DYNC1I2: variants seen among roughly 807,000 people sequenced by gnomAD.
DYNC1I2 encodes cytoplasmic dynein 1 intermediate chain 2.
In DYNC1I2, 53 loss-of-function variants were observed where a neutral mutation model predicts 88.6. That is an observed-to-expected ratio of 0.60 (90% CI 0.48 to 0.75). DYNC1I2 has a LOEUF of 0.75. Ranked by LOEUF, DYNC1I2 falls within the 30% of genes least tolerant of loss-of-function variation. The pLI, the probability that DYNC1I2 is intolerant of heterozygous loss-of-function variation, is 0.00. For missense variants in DYNC1I2, 458 were observed against 766.6 expected (o/e 0.60, Z 4.75); for synonymous variants, 198 against 254.6 (o/e 0.78, Z 2.12).
At chr2:171,738,928 C>A (rs1359716908) in intron 15 of DYNC1I2, among the ~76,000 whole-genome samples, 1 of 152,058 alleles carries the variant, frequency 6.6e-6, no homozygotes, top group African/African-American at 2.4e-5. Context: ...GCAGGTGGAT[C>A]ACCGGAGGTC....
Position 171,725,677 on chromosome 2 carries a change from A to G in DYNC1I2, c.571A>G (p.Lys191Glu). The stretch of plus-strand genomic sequence containing the variant: ...ACCACCTATTGAACCTGAAGAAGAG[A>G]AAACTTTAAAGAAAGATGAGGAAAA... Reference protein sequence around the residue: ...PKPPIEPEEEKTLKKDEENDS... With the variant: ...PKPPIEPEEEETLKKDEENDS... Residue 191 changes from lysine to glutamate, a missense_variant, in exon 8 of 18, where the codon AAA becomes GAA. By Grantham distance (56) the Lys-to-Glu change is moderately conservative. Coordinates refer to ENST00000397119, the MANE Select transcript of DYNC1I2 (RefSeq NM_001378.3). 1 of 1,583,712 alleles carries G rather than the reference A, an allele frequency of 6.3e-7. No homozygotes were observed.
At chr2:171,690,399 C>A in intron 2 of DYNC1I2, 136 bp downstream of exon 2, 1 of 596,272 alleles carries the variant, frequency 1.7e-6, no homozygotes, top group Non-Finnish European at 2.9e-6. Context: ...ATTGCTTTTG[C>A]ACAAACCTAA....
rs12619041 is a variant in DYNC1I2 at position 171,744,206 on chromosome 2, C to G, written c.1677+17C>G. 6.4e-7 allele frequency: 1 copy of G among 1,562,070 alleles called. No individual in the cohort carries two copies. Among genetic ancestry groups the G allele is most frequent in the Non-Finnish European group, 8.6e-7 (1 of 1,160,852 alleles). ...GACACAGAGGTGAGCAGGAAAATAACAAAAATTGCATTGAAAAATAGAAAA... is the reference window on the plus strand; with the variant it reads ...GACACAGAGGTGAGCAGGAAAATAAGAAAAATTGCATTGAAAAATAGAAAA... On this transcript the variant is annotated intron_variant, in intron 16 of 17. Transcript: ENST00000397119.
At chr2:171,721,846 G>T (rs1463405848) in intron 7 of DYNC1I2, among the ~76,000 whole-genome samples, 2 of 152,140 alleles carry the variant, frequency 1.3e-5, no homozygotes, top group Non-Finnish European at 2.9e-5. Flanking sequence ...GTGCACTAAT[G>T]ATGGGATTTG....
intron 1 of DYNC1I2, chr2:171,688,295 GA>G (rs1685122232): frequency 6.6e-6 from 1 of 152,198 alleles, no homozygotes; most frequent in Admixed American, 6.5e-5. Context: ...AAACTCTAGA[GA>G]CTCTCTTCTC....
At chr2:171,687,805 G>T (rs1437988791) in intron 1 of DYNC1I2, 178 bp downstream of exon 1, 2 of 152,816 alleles carry the variant, frequency 1.3e-5, no homozygotes, top group African/African-American at 2.4e-5. Flanking sequence ...TGGTGTTGGG[G>T]GCTTAGGCGA....
intron 5 of DYNC1I2, among the ~76,000 whole-genome samples, chr2:171,708,725 C>G (rs1686873870): frequency 6.6e-6 from 1 of 151,758 alleles, no homozygotes; most frequent in South Asian, 2.1e-4. Context: ...CAGACAGGGT[C>G]TCTGTCACCC....
intron 14 of DYNC1I2, among the ~76,000 whole-genome samples, 153 bp downstream of exon 14, chr2:171,729,003 C>G (rs1171102094): frequency 6.6e-6 from 1 of 151,968 alleles, no homozygotes; most frequent in Non-Finnish European, 1.5e-5. Context: ...AACTTAATAC[C>G]TTTTTGTATA....
In DYNC1I2 at chr2:171,745,823, G is replaced by A. The variant is rs1193434350; in HGVS notation, c.1699G>A (p.Val567Met). 1.2e-6 allele frequency: 2 copies of A among 1,613,374 alleles called. No individual in the cohort carries two copies. Among genetic ancestry groups the A allele is most frequent in the South Asian group, 2.2e-5 (2 of 90,982 alleles). Residue 567 changes from valine to methionine, a missense_variant, in exon 17 of 18, where the codon GTG (valine) becomes ATG (methionine). Val to Met is a conservative substitution (Grantham distance 21). Around this residue, in one of 5 missense-constraint regions of DYNC1I2, gnomAD observed 188 missense variants for 300.4 expected, o/e 0.63. Transcript: ENST00000397119. ...TTAGGTACCAACTGCCAGCATTTCTGTGGAGGGTAATCCTGCTCTTAATCG... is the reference window on the plus strand; with the variant it reads ...TTAGGTACCAACTGCCAGCATTTCTATGGAGGGTAATCCTGCTCTTAATCG... ...DTEVPTASIS[V>M]EGNPALNRVR...
chr2:171,696,775 A>C (rs1464150092), intron 3 of DYNC1I2, among the ~76,000 whole-genome samples: 1 of 152,036 alleles, frequency 6.6e-6, no homozygotes. Flanking sequence ...TATTTTCACT[A>C]TGAATCTATT....
Position 171,738,332 on chromosome 2 carries a change from CAAAAGAAAAAA to C in DYNC1I2, c.1537-5704_1537-5694del, listed in dbSNP as rs550715846. On this transcript the variant is annotated intron_variant, in intron 15 of 17. Transcript: ENST00000397119. ...GGGAGACAAGAACGAAACTCCAGCT[CAAAAGAAAAAA>C]AAAAGAAAAAAAGATACTCATTTGT... Among the ~76,000 whole-genome samples, 982 of 146,956 alleles carry C rather than the reference CAAAAGAAAAAA, an allele frequency of 6.7e-3. 4 individuals carry two copies. Among genetic ancestry groups the C allele is most frequent in the Non-Finnish European group, 0.011 (720 of 66,686 alleles).
intron 6 of DYNC1I2, among the ~76,000 whole-genome samples, 174 bp downstream of exon 6, chr2:171,713,000 G>GT (rs2105587069): frequency 6.6e-6 from 1 of 152,200 alleles, no homozygotes; most frequent in African/African-American, 2.4e-5. Context: ...AATATTCTGT[G>GT]TGATGTTCTA....
chr2:171,740,504 C>T lies in DYNC1I2; in HGVS notation c.1537-3545C>T, dbSNP rs2105768389. Among the ~76,000 whole-genome samples the T allele has an allele frequency of 2.0e-5, 3 of 152,192 alleles. No individual in the cohort carries two copies. The Middle Eastern group carries it at 0.01, about 518-fold the overall frequency. On this transcript the variant is annotated intron_variant, in intron 15 of 17. Transcript: ENST00000397119. Reference sequence around the variant, plus strand: ...AATCTGATTTTCTTTTTCCTACTTGCGATTTGGTCTTTTTAAAAAATGTGG... The same window carrying T: ...AATCTGATTTTCTTTTTCCTACTTGTGATTTGGTCTTTTTAAAAAATGTGG...
At chr2:171,734,071 G>GT (rs1053770638) in intron 15 of DYNC1I2, among the ~76,000 whole-genome samples, 7 of 152,020 alleles carry the variant, frequency 4.6e-5, no homozygotes, top group African/African-American at 7.2e-5. Context: ...CCCATTGCTT[G>GT]TTTTTTTGTC....
intron 6 of DYNC1I2, among the ~76,000 whole-genome samples, chr2:171,715,068 C>G (rs1396874955): frequency 6.6e-6 from 1 of 152,156 alleles, no homozygotes; most frequent in Non-Finnish European, 1.5e-5. Flanking sequence ...ATTGCCCGCA[C>G]ATTTGTTCTA....
intron 17 of DYNC1I2, among the ~76,000 whole-genome samples, chr2:171,747,497 G>A (rs1463501434): frequency 6.6e-6 from 1 of 152,032 alleles, no homozygotes; most frequent in Non-Finnish European, 1.5e-5. Flanking sequence ...ATGAGATGGT[G>A]CATAGGAGTT....
At position 171,726,139 on chromosome 2, in the gene DYNC1I2, A is replaced by G. The variant is rs1289728412; in HGVS notation, c.771-55A>G. 3.8e-6 allele frequency: 6 copies of G among 1,570,632 alleles called. No individual in the cohort carries two copies. The Admixed American group carries it at 7.7e-5, about 20-fold the overall frequency. On this transcript the variant is annotated intron_variant, in intron 9 of 17. Transcript: ENST00000397119. ...ATAATGTTAAATTACTTTAAGATTA[A>G]GAGTGATAAAAGTTATAACACCATC...
At chr2:171,736,959 T>G (rs935270891) in intron 15 of DYNC1I2, among the ~76,000 whole-genome samples, 5 of 152,194 alleles carry the variant, frequency 3.3e-5, no homozygotes, top group Admixed American at 6.5e-5. Context: ...TAATCTATAT[T>G]CTTTTCCCAA....
chr2:171,747,805 G>C lies in DYNC1I2; in HGVS notation c.1833G>C (p.Trp611Cys). 2 of 1,610,724 alleles carry C rather than the reference G, an allele frequency of 1.2e-6. No individual in the cohort carries two copies. Among genetic ancestry groups the C allele is most frequent in the Non-Finnish European group, 1.7e-6 (2 of 1,179,144 alleles). Residue 611 changes from tryptophan (W) to cysteine (C), a missense_variant, in exon 18 of 18, where the codon TGG (tryptophan) becomes TGC (cysteine). Physicochemically the swap from Trp to Cys is radical, Grantham distance 215. This residue lies in a region of DYNC1I2 where 188 missense variants were observed against 300.4 expected (regional missense o/e 0.63). Coordinates refer to ENST00000397119, the MANE Select transcript of DYNC1I2 (RefSeq NM_001378.3). ...TTGCTGTTCCCCGCAATGATGAATG[G>C]GCACGGTTTGGCCGAACACTTGCAG... ...EQIAVPRNDE[W>C]ARFGRTLAEI...
Sources: gnomAD v4.1 joint callset for allele counts (sites outside exome capture counted in the v4.1 genomes callset) on GRCh38, gnomAD v4.1.1 for gene constraint, gnomAD v4.1.1 regional missense constraint, MANE v1.5 for transcripts, NCBI Gene and HGNC (gene_info 2026-07-23, HGNC 2026-07-21) for gene names.